Variants in CDC42SE2 observed in about 807,000 individuals in gnomAD.
The protein encoded by CDC42SE2 is CDC42 small effector protein 2.
A neutral mutation model predicts 11.5 loss-of-function variants in CDC42SE2; 3 were observed. The ratio of observed to expected loss-of-function variants is 0.26; its 90% confidence interval spans 0.12 to 0.67. CDC42SE2 has a LOEUF of 0.67. Among genes scored for constraint, CDC42SE2 ranks in the 30% least tolerant of loss-of-function variants. The probability of loss-of-function intolerance (pLI) is 0.80; values close to 1 mark genes in which losing one functional copy is unlikely to be tolerated. For synonymous variants in CDC42SE2, 33 were observed against 34.8 expected, an observed-to-expected ratio of 0.95 and a Z score of 0.18; for missense variants, 82 against 106.8, an observed-to-expected ratio of 0.77 and a Z score of 1.02.
intron 1 of CDC42SE2, among the ~76,000 whole-genome samples, chr5:131,280,914 A>G (rs1757225207): frequency 6.6e-6 from 1 of 152,170 alleles, no homozygotes; most frequent in African/African-American, 2.4e-5. Context: ...AAATTTTAGC[A>G]TGTAAGAATT....
chr5:131,341,456 A>C (rs1004737912), intron 2 of CDC42SE2, among the ~76,000 whole-genome samples: 1 of 152,230 alleles, frequency 6.6e-6, no homozygotes, highest in Non-Finnish European at 1.5e-5. Flanking sequence ...ATCAAATATC[A>C]AATGTAAGGA....
intron 1 of CDC42SE2, among the ~76,000 whole-genome samples, chr5:131,288,529 C>G (rs887460800): frequency 2.0e-5 from 3 of 152,070 alleles, no homozygotes; most frequent in Non-Finnish European, 4.4e-5. Context: ...GAGCCTCACT[C>G]TATGGTCCAG....
intron 2 of CDC42SE2, chr5:131,354,739 G>A (rs781537448): frequency 6.6e-6 from 1 of 151,380 alleles, no homozygotes; most frequent in Non-Finnish European, 1.5e-5. Flanking sequence ...TTTAATTCTC[G>A]TAACAAAAAA....
intron 2 of CDC42SE2, among the ~76,000 whole-genome samples, chr5:131,339,518 A>G (rs986560302): frequency 6.6e-6 from 1 of 152,128 alleles, no homozygotes; most frequent in African/African-American, 2.4e-5. Flanking sequence ...AATGAAAATT[A>G]TCATTTGGCC....
intron 4 of CDC42SE2, among the ~76,000 whole-genome samples, chr5:131,389,008 A>AT (rs575890871): frequency 2.2e-4 from 34 of 151,494 alleles, no homozygotes; most frequent in African/African-American, 7.3e-4. Context: ...TAGTTTTTGT[A>AT]TTTTTTTTGT....
intron 1 of CDC42SE2, among the ~76,000 whole-genome samples, chr5:131,315,042 G>C (rs909294151): frequency 3.3e-5 from 5 of 152,116 alleles, no homozygotes; most frequent in Non-Finnish European, 5.9e-5. Context: ...TGGGAGACAA[G>C]GAAGAGTATG....
chr5:131,311,071 G>A (rs913355003), intron 1 of CDC42SE2, among the ~76,000 whole-genome samples: 18 of 151,518 alleles, frequency 1.2e-4, no homozygotes, highest in African/African-American at 3.4e-4. Flanking sequence ...ATTTTGCAGC[G>A]GCTGGTACCA....
chr5:131,339,246 GAAAAAA>G (rs34594352), intron 2 of CDC42SE2, among the ~76,000 whole-genome samples: 24 of 28,228 alleles, frequency 8.5e-4, no homozygotes, highest in Non-Finnish European at 1.5e-3. Context: ...GACTCTGTCT[GAAAAAA>G]AAAAAAAAAA....
At chr5:131,319,131 C>T (rs556627768) in intron 2 of CDC42SE2, among the ~76,000 whole-genome samples, 1 of 152,202 alleles carries the variant, frequency 6.6e-6, no homozygotes, top group South Asian at 2.1e-4. Context: ...TTTCGAACTC[C>T]AGACCTCAAA....
At chr5:131,323,019 C>G (rs146176201) in intron 2 of CDC42SE2, among the ~76,000 whole-genome samples, 1 of 151,914 alleles carries the variant, frequency 6.6e-6, no homozygotes, top group Non-Finnish European at 1.5e-5. Flanking sequence ...GAGGTGATCC[C>G]AAATATTTTT....
At chr5:131,373,054 C>T (rs2059063) in intron 3 of CDC42SE2, among the ~76,000 whole-genome samples, 5,951 of 151,984 alleles carry the variant, frequency 0.039, 367 homozygotes, top group African/African-American at 0.13. Context: ...GACCATCAAA[C>T]CTTAAAGAGC....
intron 1 of CDC42SE2, among the ~76,000 whole-genome samples, chr5:131,252,083 A>AG (rs1756643981): frequency 6.6e-6 from 1 of 150,862 alleles, no homozygotes; most frequent in South Asian, 2.1e-4. Flanking sequence ...GAAGGAAGGA[A>AG]GGAAGGAAGG....
chr5:131,239,070 C>T, the CDC42SE2 span, among the ~76,000 whole-genome samples: 148 of 151,684 alleles, frequency 9.8e-4, no homozygotes, highest in African/African-American at 3.0e-3. Flanking sequence ...GCAGGAGAAC[C>T]GCTTCTACCC....
the CDC42SE2 span, among the ~76,000 whole-genome samples, chr5:131,222,376 G>A: frequency 6.6e-6 from 1 of 152,144 alleles, no homozygotes; most frequent in African/African-American, 2.4e-5. Flanking sequence ...AGCTTCCTCT[G>A]TCCCTCAGTT....
At chr5:131,375,744 G>T (rs1028375481) in intron 3 of CDC42SE2, among the ~76,000 whole-genome samples, 1 of 152,186 alleles carries the variant, frequency 6.6e-6, no homozygotes, top group African/African-American at 2.4e-5. Flanking sequence ...TTCAGTTATT[G>T]AAGAGCAGAT....
intron 1 of CDC42SE2, among the ~76,000 whole-genome samples, chr5:131,272,153 G>C (rs1757007055): frequency 6.6e-6 from 1 of 151,988 alleles, no homozygotes; most frequent in Non-Finnish European, 1.5e-5. Flanking sequence ...TGGAATTACA[G>C]GCGCCCATCA....
intron 2 of CDC42SE2, among the ~76,000 whole-genome samples, chr5:131,348,623 C>G (rs1758917073): frequency 6.6e-6 from 1 of 152,068 alleles, no homozygotes. Context: ...ACTTTCTTCA[C>G]AGAATTGGAA....
the CDC42SE2 span, among the ~76,000 whole-genome samples, chr5:131,234,672 T>C: frequency 1.5e-4 from 23 of 150,444 alleles, no homozygotes; most frequent in Admixed American, 1.1e-3. Context: ...AATAGATAGA[T>C]AGATAAAGAG....
At chr5:131,263,639 C>A (rs1756780499), upstream of CDC42SE2, 1 of 150,938 alleles carries the variant, frequency 6.6e-6, no homozygotes, top group Admixed American at 6.6e-5. Flanking sequence ...CACCCACCCA[C>A]CCTCGCCTGT....
Sources: gnomAD v4.1 joint callset for allele counts (sites outside exome capture counted in the v4.1 genomes callset) on GRCh38, gnomAD v4.1.1 for gene constraint, MANE v1.5 for transcripts, NCBI Gene and HGNC (gene_info 2026-07-23, HGNC 2026-07-21) for gene names.